Variants in TRIML1 observed in about 807,000 individuals in gnomAD.
TRIML1 encodes the protein probable E3 ubiquitin-protein ligase TRIML1.
Under a neutral mutation model 32.3 loss-of-function variants are expected in TRIML1, and 34 were observed. That is an observed-to-expected ratio of 1.05 (90% CI 0.80 to 1.40). TRIML1 has a LOEUF of 1.40. TRIML1 is among the 40% of genes most tolerant of loss of function. TRIML1 has a pLI of 0.00. For missense variants in TRIML1, 595 were observed against 574.9 expected, an observed-to-expected ratio of 1.03 and a Z score of -0.36; for synonymous variants, 244 against 226.6, an observed-to-expected ratio of 1.08 and a Z score of -0.69.
At chr4:188,137,293 G>GT (rs1318117223), upstream of TRIML1, among the ~76,000 whole-genome samples, 1 of 117,206 alleles carries the variant, frequency 8.5e-6, no homozygotes, top group African/African-American at 3.1e-5. Flanking sequence ...TGTTATTGTA[G>GT]TCTTTTTTTT....
chr4:188,142,205 C>G lies in TRIML1; in HGVS notation c.505-47C>G, dbSNP rs1372259566. 3.4e-6 allele frequency: 4 copies of G among 1,173,736 alleles called. No homozygotes were observed. In the African/African-American group the frequency reaches 7.9e-5, roughly 23 times the overall value. The allele number at this position is 1,173,736 out of a possible 1,614,324, so 72.7% of individuals were successfully genotyped here. On this transcript the variant is annotated intron_variant, in intron 2 of 5. Transcript: ENST00000332517. ...AGGGCATTTCTCTTACTAACTTTATCTCGTGTGTGTGTGTGTGTGTGTGTG... is the reference window on the plus strand; with the variant it reads ...AGGGCATTTCTCTTACTAACTTTATGTCGTGTGTGTGTGTGTGTGTGTGTG...
Position 188,139,469 on chromosome 4 carries a change from G to A in TRIML1, c.-90G>A, listed in dbSNP as rs62354295. ...ATAACAACATAGGAACAGGTCACCCGCGTGTTACTCAAAACTGTAGGACGG... is the reference window on the plus strand; with the variant it reads ...ATAACAACATAGGAACAGGTCACCCACGTGTTACTCAAAACTGTAGGACGG... On this transcript the variant is annotated 5_prime_UTR_variant, in exon 1 of 6. Transcript: ENST00000332517. 55,297 of 1,313,694 alleles carry A rather than the reference G, an allele frequency of 0.042. 1,939 individuals are homozygous for A. Among genetic ancestry groups the A allele is most frequent in the East Asian group, 0.21 (8,910 of 42,836 alleles). The allele number at this position is 1,313,694 out of a possible 1,614,324, so 81.4% of individuals were successfully genotyped here. A position where few individuals can be genotyped will look rare whatever the true frequency, so the allele number is the denominator to read the frequency against.
Position 188,140,550 on chromosome 4 carries a change from A to C in TRIML1, c.431A>C (p.Asn144Thr), listed in dbSNP as rs763404758. 2.5e-6 allele frequency: 4 copies of C among 1,613,968 alleles called. No individual in the cohort carries two copies. Among genetic ancestry groups the C allele is most frequent in the Admixed American group, 3.3e-5 (2 of 59,992 alleles). Reference protein sequence around the residue: ...HHREKLQEILNLLRVRRKEAQ... With the variant: ...HHREKLQEILTLLRVRRKEAQ... Reference sequence around the variant, plus strand: ...CAGGAGAAACTCCAGGAAATCCTGAATCTTTTGCGTGTAAGGAGAAAGGAA... The same window carrying C: ...CAGGAGAAACTCCAGGAAATCCTGACTCTTTTGCGTGTAAGGAGAAAGGAA... The change falls in exon 2 of 6, where the codon AAT (asparagine) becomes ACT (threonine). Residue 144 changes from asparagine (N) to threonine (T), a missense_variant. By Grantham distance (65) the Asn-to-Thr change is moderately conservative (BLOSUM62 0). Transcript: ENST00000332517.
intron 5 of TRIML1, among the ~76,000 whole-genome samples, 175 bp from the exon 6 acceptor site, chr4:188,146,647 A>T (rs2111238235): frequency 6.6e-6 from 1 of 152,192 alleles, no homozygotes; most frequent in East Asian, 1.9e-4. Flanking sequence ...TGACCTTGTG[A>T]TCTGCCTGCC....
At chr4:188,148,930 A>G (rs1341640522), downstream of TRIML1, among the ~76,000 whole-genome samples, 3 of 26,370 alleles carry the variant, frequency 1.1e-4, no homozygotes, top group Non-Finnish European at 2.0e-4. Flanking sequence ...TTTTTTTTTG[A>G]GACGGAGTAG....
chr4:188,144,198 A>T, intron 5 of TRIML1, 65 bp downstream of exon 5: 1 of 1,375,550 alleles, frequency 7.3e-7, no homozygotes, highest in Middle Eastern at 1.8e-4. Flanking sequence ...ACCTTCTTCC[A>T]GTGTCAGACA....
At chr4:188,140,055 A>G in intron 1 of TRIML1, 89 bp downstream of exon 1, 1 of 1,408,022 alleles carries the variant, frequency 7.1e-7, no homozygotes, top group South Asian at 1.4e-5. Context: ...TCTGTGGGGG[A>G]CAGTCACGAG....
chr4:188,139,396 T>C, upstream of TRIML1: 2 of 676,376 alleles, frequency 3.0e-6, no homozygotes, highest in Non-Finnish European at 2.4e-6. Flanking sequence ...TTGGACAGTG[T>C]ATGTCAGCTG....
Position 188,139,466 on chromosome 4 carries a change from C to G in TRIML1, c.-93C>G, listed in dbSNP as rs1734761750. 1 of 1,290,668 alleles carries G rather than the reference C, an allele frequency of 7.7e-7. No homozygotes were observed. The highest frequency in any genetic ancestry group is 1.1e-6 in the Non-Finnish European group (1 of 935,030). 80.0% of individuals were successfully genotyped at this position (1,290,668 alleles called of 1,614,324 possible). On this transcript the variant is annotated 5_prime_UTR_variant, in exon 1 of 6. Coordinates refer to ENST00000332517, the MANE Select transcript of TRIML1 (RefSeq NM_178556.5). ...GTCATAACAACATAGGAACAGGTCA[C>G]CCGCGTGTTACTCAAAACTGTAGGA... is the stretch of plus-strand genomic sequence containing the variant.
intron 5 of TRIML1, among the ~76,000 whole-genome samples, chr4:188,145,547 G>T (rs978804146): frequency 2.0e-5 from 3 of 150,338 alleles, no homozygotes; most frequent in Admixed American, 6.7e-5. Context: ...CCTCAGCCAG[G>T]CATGGTGGCT....
intron 5 of TRIML1, among the ~76,000 whole-genome samples, chr4:188,145,427 G>A (rs1735031827): frequency 8.1e-6 from 1 of 123,756 alleles, no homozygotes; most frequent in East Asian, 2.7e-4. Context: ...GGGCGACAGA[G>A]CGAGACTCCG....
chr4:188,149,618 A>G (rs1735199028), downstream of TRIML1, among the ~76,000 whole-genome samples: 2 of 152,132 alleles, frequency 1.3e-5, no homozygotes, highest in Non-Finnish European at 2.9e-5. Context: ...CAAAGAAGAA[A>G]CAGGCTCAAG....
intron 5 of TRIML1, among the ~76,000 whole-genome samples, chr4:188,145,512 C>T (rs998458223): frequency 1.5e-5 from 2 of 136,990 alleles, no homozygotes; most frequent in African/African-American, 5.5e-5. Flanking sequence ...CTGATCTTGT[C>T]TGGACAGTGA....
At chr4:188,143,563 C>T (rs1734943433) in intron 3 of TRIML1, 3 of 469,054 alleles carry the variant, frequency 6.4e-6, no homozygotes, top group Non-Finnish European at 1.2e-5. Flanking sequence ...AACAGGTTGG[C>T]TTGTTTGCAG....
At chr4:188,142,206 T>TTG (rs1734881974) in intron 2 of TRIML1, 46 bp from the exon 3 acceptor site, 2 of 1,135,622 alleles carry the variant, frequency 1.8e-6, no homozygotes, top group Non-Finnish European at 2.4e-6. Flanking sequence ...TAACTTTATC[T>TTG]CGTGTGTGTG....
downstream of TRIML1, among the ~76,000 whole-genome samples, chr4:188,150,062 C>T (rs968682288): frequency 3.3e-5 from 5 of 152,004 alleles, no homozygotes; most frequent in Admixed American, 6.6e-5. Context: ...CCTCAGCCTC[C>T]CAAAGTGTTG....
At chr4:188,146,210 C>A (rs1735074305) in intron 5 of TRIML1, among the ~76,000 whole-genome samples, 1 of 152,074 alleles carries the variant, frequency 6.6e-6, no homozygotes, top group Admixed American at 6.6e-5. Flanking sequence ...CAAGGGTGTC[C>A]CTATGTGGAC....
downstream of TRIML1, among the ~76,000 whole-genome samples, chr4:188,148,959 G>A (rs1273074207): frequency 5.1e-5 from 7 of 136,528 alleles, no homozygotes; most frequent in African/African-American, 2.0e-4. Context: ...TGTCACCCAG[G>A]CTGGAGTGCA....
chr4:188,140,025 C>T (rs920064481), intron 1 of TRIML1, 59 bp downstream of exon 1: 4 of 1,511,908 alleles, frequency 2.6e-6, no homozygotes, highest in Non-Finnish European at 3.6e-6. Flanking sequence ...CGTTAGCTTT[C>T]CTGACGTTTC....
Sources: allele counts gnomAD v4.1 joint callset (sites outside exome capture counted in the v4.1 genomes callset), GRCh38; gene constraint gnomAD v4.1.1; transcripts MANE v1.5; gene names NCBI Gene and HGNC (gene_info 2026-07-23, HGNC 2026-07-21).